Variants in PHF19 observed in about 807,000 individuals in gnomAD.
The protein encoded by PHF19 is polycomb like 3.
Under a neutral mutation model 79.8 loss-of-function variants are expected in PHF19, and 21 were observed. That is an observed-to-expected ratio of 0.26 (90% confidence interval 0.19 to 0.38). PHF19 has a LOEUF of 0.38. Ranked by LOEUF, PHF19 falls within the 10% of genes least tolerant of loss-of-function variation. PHF19 has a pLI of 1.00. For missense variants in PHF19, 445 were observed against 744.2 expected, an observed-to-expected ratio of 0.60 and a Z score of 4.68; for synonymous variants, 273 against 296.3, an observed-to-expected ratio of 0.92 and a Z score of 0.81.
Position 120,870,145 on chromosome 9 carries a change from T to C in PHF19, c.365-200A>G, listed in dbSNP as rs1441505075. On this transcript the variant is annotated intron_variant, in intron 4 of 14. Transcript: ENST00000373896. The surrounding 1 kb of genome is among the most constrained non-coding windows in gnomAD (Gnocchi z 4.4). Reference sequence around the variant, plus strand: ...GGAACTAAATGACAGCATTGGCCAGTTGTGGGGTTGGGGGGGACACAGGAA... The same window carrying C: ...GGAACTAAATGACAGCATTGGCCAGCTGTGGGGTTGGGGGGGACACAGGAA... 6.6e-6 allele frequency among the ~76,000 whole-genome samples: 1 copy of C among 151,360 alleles called. No individual in the cohort carries two copies. The highest frequency in any genetic ancestry group is 1.5e-5 in the Non-Finnish European group (1 of 67,518).
In PHF19 at chr9:120,860,555, C is replaced by T; in HGVS notation, c.1305-370G>A. The T allele has an allele frequency of 7.1e-6, 2 of 279,762 alleles. No homozygotes were observed. The highest frequency in any genetic ancestry group is 1.4e-5 in the Non-Finnish European group (2 of 142,664). 17.3% of individuals were successfully genotyped at this position (279,762 alleles called of 1,614,324 possible). A position where few individuals can be genotyped will look rare whatever the true frequency, so the allele number is the denominator to read the frequency against. On this transcript the variant is annotated intron_variant, in intron 13 of 14. Transcript: ENST00000373896. This position sits in a 1 kb window ranked among gnomAD's most constrained non-coding sequence, Gnocchi z 4.1. ...AAGGGATTTAGGTAAAACTACATAGCTAGTACTGATAAGCAGGGTCTGGAG... is the reference window on the plus strand; with the variant it reads ...AAGGGATTTAGGTAAAACTACATAGTTAGTACTGATAAGCAGGGTCTGGAG...
chr9:120,872,059 A>AAAAAC (rs2045917694), intron 3 of PHF19, among the ~76,000 whole-genome samples: 1 of 149,014 alleles, frequency 6.7e-6, no homozygotes, highest in African/African-American at 2.5e-5. Context: ...AAAAAAAAAA[A>AAAAAC]AAAAAAAAAG....
At chr9:120,876,885 C>G (rs1241057735) in intron 1 of PHF19, 1 of 641,208 alleles carries the variant, frequency 1.6e-6, no homozygotes. Flanking sequence ...CCCATGCCCC[C>G]CGGGGCTCGG....
upstream of PHF19, among the ~76,000 whole-genome samples, chr9:120,881,917 A>G (rs570210589): frequency 6.6e-6 from 1 of 152,302 alleles, no homozygotes; most frequent in South Asian, 2.1e-4. Flanking sequence ...GCACGCTATC[A>G]CGCCTGGCTA....
chr9:120,896,694 C>T (rs1588143749), upstream of PHF19, among the ~76,000 whole-genome samples: 1 of 152,062 alleles, frequency 6.6e-6, no homozygotes. Flanking sequence ...ACCTCGTGAT[C>T]CGCCCGTCTC....
At chr9:120,892,239 C>G (rs903975469) in intron 1 of PHF19, among the ~76,000 whole-genome samples, 1 of 152,192 alleles carries the variant, frequency 6.6e-6, no homozygotes, top group African/African-American at 2.4e-5. Context: ...AAACCCCACA[C>G]GTGGATGAAG....
chr9:120,899,642 A>G (rs1317016720), upstream of PHF19, among the ~76,000 whole-genome samples: 1 of 152,242 alleles, frequency 6.6e-6, no homozygotes, highest in Non-Finnish European at 1.5e-5. Flanking sequence ...GTAGAAGCTG[A>G]GGCTTAGTTA....
rs1472947094 is a variant in PHF19, at chr9:120,874,213, T to C, written c.187-153A>G. 6.6e-6 allele frequency among the ~76,000 whole-genome samples: 1 copy of C among 152,174 alleles called. No individual in the cohort carries two copies. The highest frequency in any genetic ancestry group is 1.5e-5 in the Non-Finnish European group (1 of 68,026). On this transcript the variant is annotated intron_variant, in intron 2 of 14. Coordinates refer to ENST00000373896, the MANE Select transcript of PHF19 (RefSeq NM_015651.3). The surrounding 1 kb of genome is among the most constrained non-coding windows in gnomAD (Gnocchi z 4.5). ...GCAGTTCCTGGACAGGGTGTACTCC[T>C]AGTCACCTGGAGTCGTACAGCCAGG...
At position 120,874,437 on chromosome 9, in the gene PHF19, A is replaced by G. The variant is rs975487954; in HGVS notation, c.186+119T>C. The G allele has an allele frequency of 1.4e-6, 1 of 690,100 alleles. No homozygotes were observed. The highest frequency in any genetic ancestry group is 2.5e-6 in the Non-Finnish European group (1 of 403,164). The allele number at this position is 690,100 out of a possible 1,614,324, so 42.7% of individuals were successfully genotyped here. ...GCCCCTCCCACCACCAGCTTTGGGC[A>G]TGAGGGACAAGAAGGGAATTCTCCA... On this transcript the variant is annotated intron_variant, in intron 2 of 14. Coordinates refer to ENST00000373896, the MANE Select transcript of PHF19 (RefSeq NM_015651.3). This position sits in a 1 kb window ranked among gnomAD's most constrained non-coding sequence, Gnocchi z 4.5.
At chr9:120,867,383 G>A (rs1564499845) in intron 6 of PHF19, among the ~76,000 whole-genome samples, 1 of 152,218 alleles carries the variant, frequency 6.6e-6, no homozygotes, top group Non-Finnish European at 1.5e-5. Flanking sequence ...GGAGAATAAT[G>A]GTTTCTGTAA....
In PHF19 at chr9:120,874,204, G is replaced by C; in HGVS notation, c.187-144C>G. On this transcript the variant is annotated intron_variant, in intron 2 of 14. Coordinates refer to ENST00000373896, the MANE Select transcript of PHF19 (RefSeq NM_015651.3). The surrounding 1 kb of genome is among the most constrained non-coding windows in gnomAD (Gnocchi z 4.5). ...AGAAGGATGGCAGTTCCTGGACAGG[G>C]TGTACTCCTAGTCACCTGGAGTCGT... 3.2e-6 allele frequency: 2 copies of C among 617,758 alleles called. No individual in the cohort carries two copies. The highest frequency in any genetic ancestry group is 5.8e-6 in the Non-Finnish European group (2 of 342,836). 38.3% of individuals were successfully genotyped at this position (617,758 alleles called of 1,614,324 possible).
the PHF19 span, chr9:120,904,013 G>C: frequency 6.6e-6 from 1 of 152,286 alleles, no homozygotes; most frequent in African/African-American, 2.4e-5. Flanking sequence ...TTGCTCAGTG[G>C]CTTGGAGGTC....
chr9:120,873,890 G>A, intron 3 of PHF19, 89 bp downstream of exon 3: 1 of 727,506 alleles, frequency 1.4e-6, no homozygotes, highest in African/African-American at 1.7e-5. Flanking sequence ...AGGAGTAAGA[G>A]ATGGAAGGAC....
At chr9:120,886,637 C>T (rs1055737229) in intron 1 of PHF19, among the ~76,000 whole-genome samples, 4 of 152,242 alleles carry the variant, frequency 2.6e-5, no homozygotes, top group African/African-American at 9.6e-5. Context: ...CCAATGTCAG[C>T]TGGAGTGTTT....
chr9:120,901,517 C>G, the PHF19 span, among the ~76,000 whole-genome samples: 2 of 152,186 alleles, frequency 1.3e-5, no homozygotes, highest in African/African-American at 4.8e-5. Context: ...TTTCTAATGC[C>G]AGTCCCATCC....
At chr9:120,883,111 T>C (rs1166300806) in intron 1 of PHF19, among the ~76,000 whole-genome samples, 1 of 152,198 alleles carries the variant, frequency 6.6e-6, no homozygotes, top group Non-Finnish European at 1.5e-5. Context: ...CCTGTTGGCA[T>C]GCCTGTGGCC....
intron 3 of PHF19, among the ~76,000 whole-genome samples, chr9:120,872,934 TTGAG>T (rs1439627242): frequency 6.6e-6 from 1 of 152,190 alleles, no homozygotes; most frequent in Non-Finnish European, 1.5e-5. Context: ...TAACAAATTC[TTGAG>T]TAACAGCTTC....
chr9:120,858,623 G>C (rs985137802), intron 14 of PHF19, among the ~76,000 whole-genome samples: 4 of 152,134 alleles, frequency 2.6e-5, no homozygotes, highest in African/African-American at 7.2e-5. Flanking sequence ...CTTAGAGCTA[G>C]GATCCCGGCA....
upstream of PHF19, among the ~76,000 whole-genome samples, chr9:120,896,742 C>T (rs373246159): frequency 3.9e-5 from 6 of 151,924 alleles, no homozygotes; most frequent in South Asian, 2.1e-4. Context: ...CGTGAGCCAC[C>T]GTGCCCGGCC....
Sources: gnomAD v4.1 joint callset for allele counts (sites outside exome capture counted in the v4.1 genomes callset) on GRCh38, gnomAD v4.1.1 for gene constraint, Gnocchi (gnomAD v3.1) non-coding constraint, MANE v1.5 for transcripts, NCBI Gene and HGNC (gene_info 2026-07-23, HGNC 2026-07-21) for gene names.